MINDY4B: variants seen among roughly 807,000 people sequenced by gnomAD.
MINDY4B encodes the protein MINDY family member 4B, also known as inactive ubiquitin carboxyl-terminal hydrolase MINDY-4B.
A neutral mutation model predicts 16.7 loss-of-function variants in MINDY4B; 25 were observed. That is an observed-to-expected ratio of 1.49 (90% CI 1.09 to 2.09). The LOEUF (loss-of-function observed/expected upper bound fraction) is 2.09. MINDY4B is among the 30% of genes most tolerant of loss of function. The pLI, the probability that MINDY4B is intolerant of heterozygous loss-of-function variation, is 0.00. For synonymous variants in MINDY4B, 132 were observed against 61.9 expected (o/e 2.13, Z -5.32); for missense variants, 327 against 168.4 (o/e 1.94, Z -5.21).
chr3:150,903,966 T>C (rs1712178857), intron 2 of MINDY4B, among the ~76,000 whole-genome samples: 1 of 152,356 alleles, frequency 6.6e-6, no homozygotes, highest in Non-Finnish European at 1.5e-5. Flanking sequence ...CATGTCACTG[T>C]AAGTTAGCAT....
intron 10 of MINDY4B, among the ~76,000 whole-genome samples, chr3:150,876,981 C>T (rs912388825): frequency 6.6e-5 from 10 of 152,226 alleles, no homozygotes; most frequent in Middle Eastern, 3.4e-3. Flanking sequence ...TAGCTGGCTG[C>T]GTTCTGCAGG....
chr3:150,881,875 T>C (rs1413374067), intron 10 of MINDY4B, among the ~76,000 whole-genome samples: 1 of 152,158 alleles, frequency 6.6e-6, no homozygotes, highest in Non-Finnish European at 1.5e-5. Flanking sequence ...ATCAGACATA[T>C]GTATGTGTTG....
At chr3:150,877,696 C>G (rs1280309136) in intron 10 of MINDY4B, among the ~76,000 whole-genome samples, 1 of 152,142 alleles carries the variant, frequency 6.6e-6, no homozygotes, top group Non-Finnish European at 1.5e-5. Flanking sequence ...TCACACCACT[C>G]TAACCTAGAA....
intron 7 of MINDY4B, among the ~76,000 whole-genome samples, chr3:150,887,078 A>G (rs780300389): frequency 6.6e-6 from 1 of 152,202 alleles, no homozygotes; most frequent in Non-Finnish European, 1.5e-5. Flanking sequence ...AGTGTAGAAC[A>G]TTTATAGCAC....
chr3:150,897,524 C>A (rs530575090), intron 3 of MINDY4B, among the ~76,000 whole-genome samples: 1 of 152,098 alleles, frequency 6.6e-6, no homozygotes, highest in African/African-American at 2.4e-5. Context: ...GCTGAGGTGC[C>A]TCTTCCCAGC....
At chr3:150,903,823 A>G (rs1712175064) in intron 2 of MINDY4B, among the ~76,000 whole-genome samples, 1 of 152,230 alleles carries the variant, frequency 6.6e-6, no homozygotes, top group Admixed American at 6.5e-5. Context: ...AAATGAAGTC[A>G]GATTATCTCT....
chr3:150,877,465 T>G lies in MINDY4B; in HGVS notation c.1060-4098A>C, dbSNP rs1576609618. On this transcript the variant is annotated intron_variant, in intron 10 of 11. Coordinates refer to ENST00000465419, the MANE Select transcript of MINDY4B (RefSeq NM_001351281.2). ...ACTGTCCCAGAAGCACATCATGTTC[T>G]TTCTTGAGTAAACTTCTGTTCTGCA... is the stretch of plus-strand genomic sequence containing the variant. 2.0e-5 allele frequency among the ~76,000 whole-genome samples: 3 copies of G among 152,312 alleles called. No individual in the cohort carries two copies. In the South Asian group the frequency reaches 6.2e-4, roughly 32 times the overall value.
In MINDY4B at chr3:150,871,723, G is replaced by A. The variant is rs149863685; in HGVS notation, c.1241-536C>T. Among the ~76,000 whole-genome samples the A allele has an allele frequency of 4.6e-3, 701 of 152,134 alleles. 5 individuals carry two copies. The highest frequency in any genetic ancestry group is 0.016 in the African/African-American group (670 of 41,494). The stretch of plus-strand genomic sequence containing the variant: ...AAATTAGCTGTGTGTGGTGGCGCGC[G>A]CCTGTAATCCCAGCAGGAGGCTGAA... On this transcript the variant is annotated intron_variant, in intron 11 of 11. Coordinates refer to ENST00000465419, the MANE Select transcript of MINDY4B (RefSeq NM_001351281.2).
intron 4 of MINDY4B, 137 bp from the exon 5 acceptor site, chr3:150,893,552 C>A: frequency 1.5e-6 from 1 of 654,874 alleles, no homozygotes; most frequent in South Asian, 1.7e-5. Context: ...TGCCACTCCT[C>A]CCTGCAGCCG....
intron 10 of MINDY4B, among the ~76,000 whole-genome samples, chr3:150,882,297 T>C (rs1253806846): frequency 6.6e-6 from 1 of 152,180 alleles, no homozygotes; most frequent in Non-Finnish European, 1.5e-5. Flanking sequence ...TGGTTGTGCT[T>C]TTCAACAGGA....
At chr3:150,905,228 T>C in intron 1 of MINDY4B, 99 bp downstream of exon 1, 6 of 398,250 alleles carry the variant, frequency 1.5e-5, no homozygotes, top group Non-Finnish European at 2.7e-5. Flanking sequence ...AAGGTAAATC[T>C]ATAAAGGAAA....
At chr3:150,893,229 T>A in intron 5 of MINDY4B, 95 bp downstream of exon 5, 1 of 682,190 alleles carries the variant, frequency 1.5e-6, no homozygotes, top group Non-Finnish European at 2.7e-6. Flanking sequence ...GTAGATTTCC[T>A]TTCTGAGACA....
At chr3:150,877,361 G>A (rs1437621963) in intron 10 of MINDY4B, among the ~76,000 whole-genome samples, 1 of 152,128 alleles carries the variant, frequency 6.6e-6, no homozygotes, top group South Asian at 2.1e-4. Context: ...TACCTAGTTG[G>A]CATTTTCACG....
At chr3:150,905,032 G>C (rs1324172530) in intron 2 of MINDY4B, 30 bp downstream of exon 2, 1 of 398,378 alleles carries the variant, frequency 2.5e-6, no homozygotes, top group Admixed American at 4.4e-5. Context: ...AACTAAAGGA[G>C]AACACACTGG....
chr3:150,889,446 C>T (rs894061951), intron 7 of MINDY4B, among the ~76,000 whole-genome samples: 2 of 152,202 alleles, frequency 1.3e-5, no homozygotes, highest in African/African-American at 2.4e-5. Flanking sequence ...GTGATTCCAC[C>T]GGGCCCACCT....
chr3:150,899,297 C>T (rs990533134), intron 3 of MINDY4B, among the ~76,000 whole-genome samples: 7 of 152,138 alleles, frequency 4.6e-5, no homozygotes, highest in South Asian at 4.1e-4. Context: ...TACCAGCCAG[C>T]GTCCCAGCAG....
intron 10 of MINDY4B, among the ~76,000 whole-genome samples, chr3:150,876,477 G>A (rs1018597836): frequency 2.0e-5 from 3 of 152,174 alleles, no homozygotes; most frequent in African/African-American, 7.2e-5. Flanking sequence ...GTGCATAACT[G>A]TTAATGGCCT....
At position 150,885,420 on chromosome 3, in the gene MINDY4B, G is replaced by C; in HGVS notation, c.772C>G (p.His258Asp). 8.5e-6 allele frequency: 6 copies of C among 702,526 alleles called. No individual in the cohort carries two copies. Among genetic ancestry groups the C allele is most frequent in the Non-Finnish European group, 1.6e-5 (6 of 384,796 alleles). The allele number at this position is 702,526 out of a possible 1,614,324, so 43.5% of individuals were successfully genotyped here. The change falls in exon 8 of 12, where the codon CAT becomes GAT. Residue 258 changes from histidine (H) to aspartate (D), a missense_variant. His to Asp is a moderately conservative substitution (Grantham distance 81). Transcript: ENST00000465419. ...CTGTACAGAAACAGGATGACACCAT[G>C]GCTTCCTTCCCCTCTGAACTGTTCG... ...HLLCFRGEGS[H>D]GVILFLYSLI...
intron 2 of MINDY4B, among the ~76,000 whole-genome samples, chr3:150,904,642 AG>A (rs1250913969): frequency 6.6e-6 from 1 of 152,194 alleles, no homozygotes; most frequent in Admixed American, 6.5e-5. Flanking sequence ...ACCAGAATTC[AG>A]TCATCTTTCT....
Sources: gnomAD v4.1 joint callset for allele counts (sites outside exome capture counted in the v4.1 genomes callset) on GRCh38, gnomAD v4.1.1 for gene constraint, MANE v1.5 for transcripts, NCBI Gene and HGNC (gene_info 2026-07-23, HGNC 2026-07-21) for gene names.